Variants in NFIA observed in about 807,000 individuals in gnomAD.
NFIA encodes nuclear factor I A.
NFIA carries 8 observed loss-of-function variants against 62.8 expected under a neutral mutation model. That is an observed-to-expected ratio of 0.13 (90% CI 0.07 to 0.23). The LOEUF (loss-of-function observed/expected upper bound fraction) is 0.23, where lower values mean the gene tolerates loss of function less well. NFIA is among the 10% of genes least tolerant of loss of function. The pLI is 1.00. For missense variants in NFIA, 410 were observed against 642.1 expected (o/e 0.64, Z 3.91); for synonymous variants, 235 against 238.1 (o/e 0.99, Z 0.12).
At chr1:61,096,544 G>GTTTTTTT (rs1570141914) in intron 2 of NFIA, among the ~76,000 whole-genome samples, 15 of 121,898 alleles carry the variant, frequency 1.2e-4, no homozygotes, top group East Asian at 7.6e-4. Flanking sequence ...GTCAAGATTA[G>GTTTTTTT]TTCTTTTTTT....
At chr1:61,326,098 C>T (rs1210296158) in intron 3 of NFIA, among the ~76,000 whole-genome samples, 1 of 152,130 alleles carries the variant, frequency 6.6e-6, no homozygotes, top group Non-Finnish European at 1.5e-5. Context: ...GTTATTTTTG[C>T]AGTGACTTTC....
chr1:61,120,285 GGGAC>G (rs879710233), intron 2 of NFIA, among the ~76,000 whole-genome samples: 1 of 152,148 alleles, frequency 6.6e-6, no homozygotes, highest in Non-Finnish European at 1.5e-5. Context: ...AATGCCAAGT[GGGAC>G]AGTGAGCCAC....
At chr1:61,329,128 A>T (rs909692972) in intron 3 of NFIA, among the ~76,000 whole-genome samples, 7 of 148,982 alleles carry the variant, frequency 4.7e-5, no homozygotes, top group African/African-American at 1.2e-4. Flanking sequence ...GCTCGCTGCA[A>T]CCTCCGCCTC....
intron 10 of NFIA, among the ~76,000 whole-genome samples, chr1:61,446,023 A>G (rs925497593): frequency 6.6e-6 from 1 of 152,090 alleles, no homozygotes; most frequent in Non-Finnish European, 1.5e-5. Context: ...CCTGTGAACG[A>G]TTAGAAAAAA....
At chr1:61,211,450 A>T (rs1296529061) in intron 2 of NFIA, among the ~76,000 whole-genome samples, 2 of 152,204 alleles carry the variant, frequency 1.3e-5, no homozygotes, top group African/African-American at 4.8e-5. Flanking sequence ...CTTATTTTTT[A>T]AAAAGATACC....
chr1:61,203,959 T>C (rs746427184), intron 2 of NFIA, among the ~76,000 whole-genome samples: 9 of 152,128 alleles, frequency 5.9e-5, no homozygotes, highest in African/African-American at 9.6e-5. Flanking sequence ...GGCAGATATT[T>C]AGGTGTGTGT....
At position 61,462,671 on chromosome 1, in the gene NFIA, T is replaced by A. The variant is rs1174538376; in HGVS notation, c.*7351T>A. On this transcript the variant is annotated 3_prime_UTR_variant, in exon 11 of 11. Coordinates refer to ENST00000403491, the MANE Select transcript of NFIA (RefSeq NM_001134673.4). ...TTTTTTGAGCTGGTGTGGATTAGTT[T>A]AACTCTTGTATTCAACCATTAGTGC... 3 of 152,268 alleles carry A rather than the reference T, an allele frequency of 2.0e-5. No individual in the cohort carries two copies. Among genetic ancestry groups the A allele is most frequent in the African/African-American group, 7.2e-5 (3 of 41,470 alleles). The allele number at this position is 152,268 out of a possible 1,614,324, so 9.4% of individuals were successfully genotyped here.
chr1:61,213,861 C>T (rs750368873), intron 2 of NFIA, among the ~76,000 whole-genome samples: 2 of 152,188 alleles, frequency 1.3e-5, no homozygotes, highest in Non-Finnish European at 2.9e-5. Context: ...CACTCCCCGA[C>T]CTCACCCACC....
At chr1:61,271,806 C>CA (rs746695450) in intron 2 of NFIA, among the ~76,000 whole-genome samples, 7 of 152,212 alleles carry the variant, frequency 4.6e-5, no homozygotes, top group Non-Finnish European at 1.0e-4. Context: ...TCTAGACAAA[C>CA]ACTCAATTCT....
intron 10 of NFIA, among the ~76,000 whole-genome samples, chr1:61,441,861 A>G (rs1051355980): frequency 3.9e-5 from 6 of 152,010 alleles, no homozygotes; most frequent in African/African-American, 1.5e-4. Context: ...TTGAAGTCTG[A>G]AGATGTACCA....
chr1:61,225,431 A>G (rs974998169), intron 2 of NFIA, among the ~76,000 whole-genome samples: 12 of 151,768 alleles, frequency 7.9e-5, no homozygotes, highest in African/African-American at 1.9e-4. Context: ...TTGTATTTTT[A>G]GTAGAGACGG....
chr1:61,116,997 T>C (rs1208402345), intron 2 of NFIA, among the ~76,000 whole-genome samples: 1 of 152,222 alleles, frequency 6.6e-6, no homozygotes, highest in Admixed American at 6.5e-5. Flanking sequence ...AAAATACTAT[T>C]TGCTTTTGAA....
rs1267384001 is a variant in NFIA at position 61,414,726 on chromosome 1, G to A, written c.1420+7999G>A. ...TTCCTCTGTCAGAGAAGAAGCAGTA[G>A]ATTTTAAGAAAGAATGAAAAAAAAG... On this transcript the variant is annotated intron_variant, in intron 9 of 10. Coordinates refer to ENST00000403491, the MANE Select transcript of NFIA (RefSeq NM_001134673.4). Among the ~76,000 whole-genome samples, 5 of 152,042 alleles carry A rather than the reference G, an allele frequency of 3.3e-5. No individual in the cohort carries two copies. In the South Asian group the frequency reaches 1.0e-3, roughly 32 times the overall value.
At chr1:61,366,915 C>G (rs1158997730) in intron 6 of NFIA, among the ~76,000 whole-genome samples, 1 of 152,166 alleles carries the variant, frequency 6.6e-6, no homozygotes, top group Non-Finnish European at 1.5e-5. Flanking sequence ...AAGAACAAAA[C>G]TCCTGTCTGA....
chr1:61,322,820 C>G (rs1166991292), intron 3 of NFIA, among the ~76,000 whole-genome samples: 1 of 152,158 alleles, frequency 6.6e-6, no homozygotes, highest in Non-Finnish European at 1.5e-5. Flanking sequence ...GGACATAAGT[C>G]CCCAAGAGTA....
upstream of NFIA, chr1:61,081,638 C>T (rs910026857): frequency 3.6e-5 from 14 of 385,576 alleles, no homozygotes; most frequent in Admixed American, 5.9e-4. Context: ...GTGTTCAAAC[C>T]CACTAGTTTC....
At chr1:61,184,689 G>T (rs1357134253) in intron 2 of NFIA, among the ~76,000 whole-genome samples, 3 of 152,192 alleles carry the variant, frequency 2.0e-5, no homozygotes, top group Non-Finnish European at 4.4e-5. Context: ...ACACATTATT[G>T]TGTGATAGGA....
chr1:61,262,807 T>C (rs553974813), intron 2 of NFIA, among the ~76,000 whole-genome samples: 5 of 152,324 alleles, frequency 3.3e-5, no homozygotes, highest in African/African-American at 1.2e-4. Context: ...AATTATGTGC[T>C]ATTTTGGGAG....
intron 6 of NFIA, among the ~76,000 whole-genome samples, chr1:61,361,022 C>T (rs1663262197): frequency 1.0e-5 from 1 of 95,526 alleles, no homozygotes; most frequent in African/African-American, 3.9e-5. Context: ...AGGTTATGGC[C>T]CCTGCTCTCA....
Sources: gnomAD v4.1 joint callset for allele counts (sites outside exome capture counted in the v4.1 genomes callset) on GRCh38, gnomAD v4.1.1 for gene constraint, MANE v1.5 for transcripts, NCBI Gene and HGNC (gene_info 2026-07-23, HGNC 2026-07-21) for gene names.